RNF13: variants seen among roughly 807,000 people sequenced by gnomAD.
RNF13 encodes the protein ring finger protein 13.
In RNF13, 19 loss-of-function variants were observed where a neutral mutation model predicts 37.7. That is an observed-to-expected ratio of 0.50 (90% CI 0.35 to 0.74). The LOEUF (loss-of-function observed/expected upper bound fraction) is 0.74. Among genes scored for constraint, RNF13 ranks in the 30% least tolerant of loss-of-function variants. The pLI, the probability that RNF13 is intolerant of heterozygous loss-of-function variation, is 0.01. For synonymous variants in RNF13, 144 were observed against 157.8 expected (o/e 0.91, Z 0.65); for missense variants, 375 against 453.0 (o/e 0.83, Z 1.56).
At chr3:149,940,899 C>G (rs1222674350) in intron 8 of RNF13, among the ~76,000 whole-genome samples, 1 of 152,046 alleles carries the variant, frequency 6.6e-6, no homozygotes, top group Non-Finnish European at 1.5e-5. Context: ...TGTTTCTTTT[C>G]TACAATTTGA....
At chr3:149,873,438 C>A (rs1236859633) in intron 4 of RNF13, among the ~76,000 whole-genome samples, 1 of 152,124 alleles carries the variant, frequency 6.6e-6, no homozygotes, top group African/African-American at 2.4e-5. Context: ...GCCTTCTTGT[C>A]CCTTTAGTGG....
chr3:149,860,241 G>A (rs1318133354), intron 3 of RNF13, among the ~76,000 whole-genome samples: 2 of 108,700 alleles, frequency 1.8e-5, no homozygotes, highest in East Asian at 5.3e-4. Context: ...CTGGGCAACA[G>A]AGAGAGACTC....
intron 8 of RNF13, among the ~76,000 whole-genome samples, chr3:149,924,522 C>G (rs145477511): frequency 1.3e-5 from 2 of 152,006 alleles, no homozygotes; most frequent in East Asian, 3.9e-4. Flanking sequence ...TGTGATTTAC[C>G]AGAAACCCAG....
chr3:149,923,994 T>C (rs1194971459), intron 8 of RNF13, among the ~76,000 whole-genome samples: 1 of 152,108 alleles, frequency 6.6e-6, no homozygotes, highest in Non-Finnish European at 1.5e-5. Context: ...GACAGGAAAG[T>C]TATTGTAGTA....
chr3:149,824,926 G>C (rs569596799), intron 1 of RNF13, among the ~76,000 whole-genome samples: 3 of 150,092 alleles, frequency 2.0e-5, no homozygotes, highest in Non-Finnish European at 3.0e-5. Flanking sequence ...CATCACCCAC[G>C]TATTAAGCCT....
chr3:149,889,802 G>C (rs908684136), intron 4 of RNF13, among the ~76,000 whole-genome samples: 4 of 151,824 alleles, frequency 2.6e-5, no homozygotes, highest in African/African-American at 9.7e-5. Flanking sequence ...CTACAGGCGT[G>C]CACCACTGTG....
chr3:149,861,332 A>G (rs750089501), intron 3 of RNF13, among the ~76,000 whole-genome samples: 5 of 152,158 alleles, frequency 3.3e-5, no homozygotes, highest in Non-Finnish European at 7.4e-5. Context: ...CTGCACTTGC[A>G]TGTTTATTAT....
rs564756063 is a variant in RNF13 at position 149,839,910 on chromosome 3, A to G, written c.-16-6101A>G. 4.6e-5 allele frequency among the ~76,000 whole-genome samples: 7 copies of G among 152,198 alleles called. No homozygotes were observed. In the South Asian group the frequency reaches 1.5e-3, roughly 32 times the overall value. Reference sequence around the variant, plus strand: ...TTTTGATGTGTAACAATTTCATGCCATTTCCTCATTCTGTCCTCTTGTACT... The same window carrying G: ...TTTTGATGTGTAACAATTTCATGCCGTTTCCTCATTCTGTCCTCTTGTACT... On this transcript the variant is annotated intron_variant, in intron 1 of 9. Coordinates refer to ENST00000392894, the MANE Select transcript of RNF13 (RefSeq NM_183381.3).
intron 8 of RNF13, among the ~76,000 whole-genome samples, chr3:149,944,042 A>G (rs988473391): frequency 6.6e-6 from 1 of 151,888 alleles, no homozygotes; most frequent in Non-Finnish European, 1.5e-5. Context: ...GTTCCCACCT[A>G]TGAGTGAGAA....
At chr3:149,910,086 C>T (rs1281938968) in intron 6 of RNF13, among the ~76,000 whole-genome samples, 2 of 151,990 alleles carry the variant, frequency 1.3e-5, no homozygotes, top group African/African-American at 2.4e-5. Context: ...AGGTTAGTGG[C>T]TGTGGGGTAG....
chr3:149,863,195 G>T (rs533445831), intron 3 of RNF13, among the ~76,000 whole-genome samples: 1 of 152,236 alleles, frequency 6.6e-6, no homozygotes, highest in East Asian at 1.9e-4. Context: ...TAAGCAAATT[G>T]TATCAACTTT....
At chr3:149,910,234 A>T (rs183743022) in intron 6 of RNF13, among the ~76,000 whole-genome samples, 1 of 152,188 alleles carries the variant, frequency 6.6e-6, no homozygotes, top group African/African-American at 2.4e-5. Flanking sequence ...GTGCTGGAAG[A>T]GATGGTATCA....
At chr3:149,860,664 G>A (rs1247319458) in intron 3 of RNF13, among the ~76,000 whole-genome samples, 1 of 151,924 alleles carries the variant, frequency 6.6e-6, no homozygotes, top group Non-Finnish European at 1.5e-5. Flanking sequence ...TAAAACTATT[G>A]GAAGAAAACA....
At chr3:149,889,914 A>C (rs1714515856) in intron 4 of RNF13, among the ~76,000 whole-genome samples, 1 of 152,102 alleles carries the variant, frequency 6.6e-6, no homozygotes, top group African/African-American at 2.4e-5. Flanking sequence ...TGACCTCGTG[A>C]TCTGCCCGCC....
At position 149,918,574 on chromosome 3, in the gene RNF13, A is replaced by G. The variant is rs535020268; in HGVS notation, c.607-2560A>G. On this transcript the variant is annotated intron_variant, in intron 7 of 9. Coordinates refer to ENST00000392894, the MANE Select transcript of RNF13 (RefSeq NM_183381.3). ...GTTATTTTATGCAGGGTCTTGCTCT[A>G]TCACCCAGGCTGGAGTACAGTGGCA... is the stretch of plus-strand genomic sequence containing the variant. Among the ~76,000 whole-genome samples, 12 of 152,102 alleles carry G rather than the reference A, an allele frequency of 7.9e-5. No individual in the cohort carries two copies. The East Asian group carries it at 1.7e-3, about 22-fold the overall frequency.
intron 8 of RNF13, among the ~76,000 whole-genome samples, chr3:149,953,461 T>TA: frequency 6.6e-6 from 1 of 152,322 alleles, no homozygotes; most frequent in Middle Eastern, 3.4e-3. Flanking sequence ...GAGATGGGAA[T>TA]AAAAAATGGT....
chr3:149,937,451 C>T lies in RNF13; in HGVS notation c.700+16224C>T, dbSNP rs951452363. Among the ~76,000 whole-genome samples the T allele has an allele frequency of 5.9e-5, 9 of 152,222 alleles. No homozygotes were observed. In the East Asian group the frequency reaches 1.7e-3, roughly 29 times the overall value. The stretch of plus-strand genomic sequence containing the variant: ...CTCTTAATTTTTCACTTTTTTGTGA[C>T]ACCAAGGATTGTCACAGCCTCAGTT... On this transcript the variant is annotated intron_variant, in intron 8 of 9. Transcript: ENST00000392894.
intron 3 of RNF13, among the ~76,000 whole-genome samples, chr3:149,861,082 T>C (rs984295014): frequency 9.9e-5 from 15 of 151,988 alleles, no homozygotes; most frequent in African/African-American, 3.6e-4. Context: ...CCAGTTAGGC[T>C]GACTATCATT....
intron 8 of RNF13, among the ~76,000 whole-genome samples, chr3:149,959,400 T>C (rs1207802725): frequency 1.2e-5 from 1 of 86,472 alleles, no homozygotes; most frequent in Non-Finnish European, 2.8e-5. Context: ...TATGAATTAA[T>C]AAATTTCTAT....
Sources: gnomAD v4.1 joint callset for allele counts (sites outside exome capture counted in the v4.1 genomes callset) on GRCh38, gnomAD v4.1.1 for gene constraint, MANE v1.5 for transcripts, NCBI Gene and HGNC (gene_info 2026-07-23, HGNC 2026-07-21) for gene names.